The following ANGPTL7 variants were observed in gnomAD, a reference collection of about 807,000 sequenced individuals.
The protein encoded by ANGPTL7 is angiopoietin like 7.
ANGPTL7 carries 37 observed loss-of-function variants against 38.8 expected under a neutral mutation model. That is an observed-to-expected ratio of 0.95 (90% CI 0.73 to 1.25). ANGPTL7 has a LOEUF of 1.25. ANGPTL7 is among the 50% of genes most tolerant of loss of function. The pLI is 0.00. For synonymous variants in ANGPTL7, 166 were observed against 163.2 expected (o/e 1.02, Z -0.13); for missense variants, 427 against 438.6 (o/e 0.97, Z 0.24).
chr1:11,190,296 A>G (rs536272758), intron 1 of ANGPTL7, among the ~76,000 whole-genome samples: 2 of 152,338 alleles, frequency 1.3e-5, no homozygotes, highest in East Asian at 1.9e-4. Flanking sequence ...CTGACAGGCT[A>G]TATCTCAAGA....
chr1:11,194,364 G>C, intron 3 of ANGPTL7, 97 bp from the exon 4 acceptor site: 1 of 1,125,284 alleles, frequency 8.9e-7, no homozygotes, highest in East Asian at 2.4e-5. Flanking sequence ...CCTATAAAAA[G>C]ATGTTTGGCT....
chr1:11,194,395 G>GGGGTAT, intron 3 of ANGPTL7, 66 bp from the exon 4 acceptor site: 3 of 1,464,690 alleles, frequency 2.0e-6, no homozygotes. Context: ...CAGGAGAGAA[G>GGGGTAT]GGGTATAGAG....
At chr1:11,194,216 A>G (rs1214084581) in intron 3 of ANGPTL7, among the ~76,000 whole-genome samples, 1 of 152,216 alleles carries the variant, frequency 6.6e-6, no homozygotes, top group Non-Finnish European at 1.5e-5. Context: ...TATAAGCAGG[A>G]AAGTGAGGAA....
chr1:11,192,432 T>TACA (rs1645578424), intron 2 of ANGPTL7, 62 bp downstream of exon 2: 13 of 1,362,452 alleles, frequency 9.5e-6, no homozygotes, highest in Non-Finnish European at 1.4e-5. Context: ...TCAAGGGGAC[T>TACA]ACAACAACAG....
intron 3 of ANGPTL7, among the ~76,000 whole-genome samples, chr1:11,194,256 T>G (rs1241821317): frequency 6.6e-6 from 1 of 152,238 alleles, no homozygotes; most frequent in Admixed American, 6.5e-5. Flanking sequence ...CAAGGCCATA[T>G]GGTGAATCAG....
At position 11,194,451 on chromosome 1, in the gene ANGPTL7, C is replaced by T; in HGVS notation, c.673-10C>T. ...CTGCACTTTCTTTAAGGCTCTGCTC[C>T]TCCTGACAGGACTGGGAGGGCAACC... On this transcript the variant is annotated splice_polypyrimidine_tract_variant and intron_variant, in intron 3 of 4. Transcript: ENST00000376819. 1 of 1,613,532 alleles carries T rather than the reference C, an allele frequency of 6.2e-7. No individual in the cohort carries two copies. Among genetic ancestry groups the T allele is most frequent in the Non-Finnish European group, 8.5e-7 (1 of 1,179,926 alleles).
intron 1 of ANGPTL7, 94 bp downstream of exon 1, chr1:11,190,049 C>T (rs1307217895): frequency 7.0e-7 from 1 of 1,435,758 alleles, no homozygotes. Context: ...CTACTGGGGC[C>T]TCTTTTGTGG....
In ANGPTL7 at chr1:11,195,229, C is replaced by T. The variant is rs1259335833; in HGVS notation, c.*206C>T. The T allele has an allele frequency of 1.7e-6, 1 of 581,806 alleles. No homozygotes were observed. Among genetic ancestry groups the T allele is most frequent in the African/African-American group, 1.9e-5 (1 of 53,464 alleles). 36.0% of individuals were successfully genotyped at this position (581,806 alleles called of 1,614,324 possible). A position where few individuals can be genotyped will look rare whatever the true frequency, so the allele number is the denominator to read the frequency against. ...AAACAGGATGAACTATTTAAACCCA[C>T]TGGGTCCTGCCACATCCTTCTCAAG... On this transcript the variant is annotated 3_prime_UTR_variant, in exon 5 of 5. Transcript: ENST00000376819.
chr1:11,192,284 T>G lies in ANGPTL7; in HGVS notation c.391T>G (p.Cys131Gly). 6.2e-7 allele frequency: 1 copy of G among 1,613,690 alleles called. No individual in the cohort carries two copies. Residue 131 changes from cysteine to glycine, a missense_variant, in exon 2 of 5, where the codon TGC becomes GGC. Physicochemically the swap from Cys to Gly is radical, Grantham distance 159 (BLOSUM62 -3). Coordinates refer to ENST00000376819, the MANE Select transcript of ANGPTL7 (RefSeq NM_021146.4). ...TTCTCTTGTAGATGCCATCTACGAC[T>G]GCTCTTCCCTCTACCAGAAGAACTA... ...TQTSADAIYD[C>G]SSLYQKNYRI...
At position 11,189,889 on chromosome 1, in the gene ANGPTL7, G is replaced by C; in HGVS notation, c.310G>C (p.Glu104Gln). The change falls in exon 1 of 5, where the codon GAG (glutamate) becomes CAG (glutamine). Residue 104 changes from glutamate (E) to glutamine (Q), a missense_variant. Glu to Gln is a conservative substitution (Grantham distance 29, BLOSUM62 2). Transcript: ENST00000376819. ...RLTDAESKYS[E>Q]MNNQIDIMQL... ...CACAGATGCTGAGAGCAAGTACTCC[G>C]AGATGAACAACCAAATTGACATCAT... The C allele has an allele frequency of 6.2e-7, 1 of 1,614,092 alleles. No individual in the cohort carries two copies. The highest frequency in any genetic ancestry group is 8.5e-7 in the Non-Finnish European group (1 of 1,180,012).
At chr1:11,192,466 G>A (rs542443561) in intron 2 of ANGPTL7, 96 bp downstream of exon 2, 34 of 1,129,652 alleles carry the variant, frequency 3.0e-5, no homozygotes, top group Non-Finnish European at 4.4e-5. Context: ...TTAAAGAAAG[G>A]AAAATTCGGC....
chr1:11,190,551 T>C (rs1645487146), intron 1 of ANGPTL7, among the ~76,000 whole-genome samples: 1 of 152,226 alleles, frequency 6.6e-6, no homozygotes, highest in Admixed American at 6.5e-5. Flanking sequence ...GTGATACGTC[T>C]ATTTTTTTCC....
rs988793564 is a variant in ANGPTL7, at chr1:11,195,879, T to C, written c.*856T>C. ...AGATGGTGTTATAGTTAATAATAAA[T>C]GCTGTAAATAAGCATCTCACTTTGT... On this transcript the variant is annotated 3_prime_UTR_variant, in exon 5 of 5. Coordinates refer to ENST00000376819, the MANE Select transcript of ANGPTL7 (RefSeq NM_021146.4). 2 of 152,288 alleles carry C rather than the reference T, an allele frequency of 1.3e-5. No individual in the cohort carries two copies. Among genetic ancestry groups the C allele is most frequent in the African/African-American group, 4.8e-5 (2 of 41,468 alleles). The allele number at this position is 152,288 out of a possible 1,614,324, so 9.4% of individuals were successfully genotyped here.
intron 1 of ANGPTL7, among the ~76,000 whole-genome samples, chr1:11,190,775 A>ACC (rs1645497504): frequency 6.6e-6 from 1 of 152,228 alleles, no homozygotes; most frequent in African/African-American, 2.4e-5. Context: ...AGTTGTAAGG[A>ACC]GCATATCCTA....
chr1:11,194,579 A>G lies in ANGPTL7; in HGVS notation c.791A>G (p.Gln264Arg). The stretch of plus-strand genomic sequence containing the variant: ...GGCAATGTGGGGAACGACGCCCTCC[A>G]GTATCATAACAACACAGCCTTCAGC... ...YTGNVGNDALQYHNNTAFSTK... is the reference protein window; with the variant it reads ...YTGNVGNDALRYHNNTAFSTK... The change falls in exon 4 of 5, where the codon CAG (glutamine) becomes CGG (arginine). Residue 264 changes from glutamine (Q) to arginine (R), a missense_variant. Physicochemically the swap from Gln to Arg is conservative, Grantham distance 43. Coordinates refer to ENST00000376819, the MANE Select transcript of ANGPTL7 (RefSeq NM_021146.4). 2 of 1,614,214 alleles carry G rather than the reference A, an allele frequency of 1.2e-6. No individual in the cohort carries two copies. The highest frequency in any genetic ancestry group is 8.5e-7 in the Non-Finnish European group (1 of 1,180,032).
Position 11,195,090 on chromosome 1 carries a change from G to A in ANGPTL7, c.*67G>A. Reference sequence around the variant, plus strand: ...GTGGAGACTGGATGAGGGCAGATGAGGACAGGAAGAGAGTGTTAGAAAGGG... The same window carrying A: ...GTGGAGACTGGATGAGGGCAGATGAAGACAGGAAGAGAGTGTTAGAAAGGG... On this transcript the variant is annotated 3_prime_UTR_variant, in exon 5 of 5. Transcript: ENST00000376819. 2 of 1,521,624 alleles carry A rather than the reference G, an allele frequency of 1.3e-6. No individual in the cohort carries two copies. The highest frequency in any genetic ancestry group is 2.3e-5 in the East Asian group (1 of 43,374). 94.3% of individuals were successfully genotyped at this position (1,521,624 alleles called of 1,614,324 possible).
chr1:11,194,578 C>T lies in ANGPTL7; in HGVS notation c.790C>T (p.Gln264Ter), dbSNP rs940510987. ...TGGCAATGTGGGGAACGACGCCCTC[C>T]AGTATCATAACAACACAGCCTTCAG... ...YTGNVGNDALQYHNNTAFSTK... is the reference protein window; with the variant it reads ...YTGNVGNDAL The change falls in exon 4 of 5, where the codon CAG becomes TAG. Residue 264 changes from glutamine (Q) to a stop codon, truncating the protein, a stop_gained. Coordinates refer to ENST00000376819, the MANE Select transcript of ANGPTL7 (RefSeq NM_021146.4). LOFTEE classifies it high-confidence loss of function. 2.5e-6 allele frequency: 4 copies of T among 1,614,154 alleles called. No homozygotes were observed. Among genetic ancestry groups the T allele is most frequent in the Non-Finnish European group, 3.4e-6 (4 of 1,180,022 alleles).
intron 1 of ANGPTL7, among the ~76,000 whole-genome samples, 173 bp downstream of exon 1, chr1:11,190,128 T>A (rs745770440): frequency 5.3e-5 from 8 of 152,254 alleles, no homozygotes; most frequent in Non-Finnish European, 7.3e-5. Flanking sequence ...TAAGTTTACC[T>A]AACACCTTCA....
intron 3 of ANGPTL7, 35 bp downstream of exon 3, chr1:11,193,809 A>C: frequency 1.2e-6 from 2 of 1,609,102 alleles, no homozygotes; most frequent in East Asian, 2.2e-5. Flanking sequence ...TGACTGGACC[A>C]GTGCCACCAC....
Sources: gnomAD v4.1 joint callset for allele counts (sites outside exome capture counted in the v4.1 genomes callset) on GRCh38, gnomAD v4.1.1 for gene constraint, MANE v1.5 for transcripts, NCBI Gene and HGNC (gene_info 2026-07-23, HGNC 2026-07-21) for gene names.